The following PDXK variants were observed in gnomAD, a reference collection of about 807,000 sequenced individuals.
PDXK encodes the protein epididymis secretory sperm binding protein Li 1a.
PDXK carries 15 observed loss-of-function variants against 43.2 expected under a neutral mutation model. That is an observed-to-expected ratio of 0.35 (90% CI 0.23 to 0.53). PDXK has a LOEUF of 0.53. Among genes scored for constraint, PDXK ranks in the 20% least tolerant of loss-of-function variants. PDXK has a pLI of 0.92. For synonymous variants in PDXK, 172 were observed against 165.4 expected (o/e 1.04, Z -0.31); for missense variants, 343 against 417.0 (o/e 0.82, Z 1.54).
chr21:43,731,579 C>T (rs1337387885), intron 1 of PDXK, among the ~76,000 whole-genome samples: 4 of 152,246 alleles, frequency 2.6e-5, no homozygotes, highest in African/African-American at 9.6e-5. Context: ...AGCAGGGCTG[C>T]TCACAGGGCA....
intron 1 of PDXK, among the ~76,000 whole-genome samples, chr21:43,727,935 C>T (rs2083270615): frequency 6.6e-6 from 1 of 152,234 alleles, no homozygotes; most frequent in Admixed American, 6.5e-5. Context: ...GCCATCTGGG[C>T]ACTTCTGAGC....
intron 9 of PDXK, 29 bp downstream of exon 9, chr21:43,753,748 G>A (rs894625127): frequency 5.7e-6 from 9 of 1,589,432 alleles, no homozygotes; most frequent in East Asian, 2.3e-5. Context: ...TCCCCTCCTC[G>A]CCCACTCCCA....
chr21:43,736,963 C>T (rs746505449), intron 2 of PDXK: 32 of 702,352 alleles, frequency 4.6e-5, no homozygotes, highest in Non-Finnish European at 6.5e-5. Context: ...GAGACAAGGT[C>T]GGTCTCTGTC....
At chr21:43,719,442 C>T in intron 1 of PDXK, 61 bp downstream of exon 1, 1 of 1,446,244 alleles carries the variant, frequency 6.9e-7, no homozygotes. Flanking sequence ...GGCGGGGCTG[C>T]CCGAGACGAG....
At chr21:43,733,917 T>A (rs2083361978) in intron 1 of PDXK, 152 bp from the exon 2 acceptor site, 1 of 720,682 alleles carries the variant, frequency 1.4e-6, no homozygotes, top group Admixed American at 2.2e-5. Flanking sequence ...GAGAGCCTCC[T>A]GCTCTGATGC....
In PDXK at chr21:43,723,351, G is replaced by A. The variant is rs1217673356; in HGVS notation, c.87+3970G>A. 1 of 151,918 alleles carries A rather than the reference G, an allele frequency of 6.6e-6. No individual in the cohort carries two copies. The highest frequency in any genetic ancestry group is 1.5e-5 in the Non-Finnish European group (1 of 68,014). The allele number at this position is 151,918 out of a possible 1,614,324, so 9.4% of individuals were successfully genotyped here. A position where few individuals can be genotyped will look rare whatever the true frequency, so the allele number is the denominator to read the frequency against. Reference sequence around the variant, plus strand: ...TCTGTATTTCTGTTTAGTAGAGATGGGGTTTCACTATGTTGGCCAGGCTGG... The same window carrying A: ...TCTGTATTTCTGTTTAGTAGAGATGAGGTTTCACTATGTTGGCCAGGCTGG... On this transcript the variant is annotated intron_variant, in intron 1 of 10. Coordinates refer to ENST00000291565, the MANE Select transcript of PDXK (RefSeq NM_003681.5). The surrounding 1 kb of genome is among the most constrained non-coding windows in gnomAD (Gnocchi z 4.1).
intron 2 of PDXK, among the ~76,000 whole-genome samples, chr21:43,740,543 C>T (rs1011094021): frequency 2.6e-5 from 4 of 151,990 alleles, no homozygotes; most frequent in African/African-American, 4.8e-5. Context: ...ATGGTGGACC[C>T]CCACCCTGTG....
intron 1 of PDXK, chr21:43,728,623 G>A (rs1000903894): frequency 1.4e-6 from 1 of 706,300 alleles, no homozygotes; most frequent in Non-Finnish European, 1.7e-6. Context: ...CTCGCTGTGA[G>A]CAGAGTGGGA....
At chr21:43,742,045 G>A (rs115035978) in intron 3 of PDXK, among the ~76,000 whole-genome samples, 1 of 152,144 alleles carries the variant, frequency 6.6e-6, no homozygotes. Context: ...GAGGGTGCAG[G>A]CAGGGTGTTG....
rs762546258 is a variant in PDXK, at chr21:43,752,577, G to T, written c.570G>T (p.Leu190=). The T allele has an allele frequency of 2.5e-6, 4 of 1,613,136 alleles. 1 individual carries two copies. In the South Asian group the frequency reaches 4.4e-5, roughly 18 times the overall value. The change falls in exon 8 of 11, where the codon CTG becomes CTT. Residue 190 remains leucine (L), a synonymous_variant. Coordinates refer to ENST00000291565, the MANE Select transcript of PDXK (RefSeq NM_003681.5). ...CCGTGGTCATCACCAGCTCCGACCT[G>T]CCCTCCCCGCAGGGCAGCAACTACC... ...PDTVVITSSD[L]PSPQGSNYLI...
At chr21:43,755,649 C>T (rs1300446644) in intron 9 of PDXK, 49 bp from the exon 10 acceptor site, 2 of 1,438,104 alleles carry the variant, frequency 1.4e-6, no homozygotes, top group South Asian at 1.1e-5. Flanking sequence ...GTGGGCACGT[C>T]GGGTGTTGTG....
rs577165866 is a variant in PDXK at position 43,749,777 on chromosome 21, T to A, written c.464+697T>A. Reference sequence around the variant, plus strand: ...CGGGGCCACCACAGCAGAGGGAGGGTGGGGGCAGCACAGGCGGCCAGGTCA... The same window carrying A: ...CGGGGCCACCACAGCAGAGGGAGGGAGGGGGCAGCACAGGCGGCCAGGTCA... On this transcript the variant is annotated intron_variant, in intron 6 of 10. Transcript: ENST00000291565. Among the ~76,000 whole-genome samples the A allele has an allele frequency of 2.7e-3, 402 of 150,310 alleles. 2 individuals carry two copies. The highest frequency in any genetic ancestry group is 9.4e-3 in the African/African-American group (384 of 40,668).
rs2083888624 is a variant in PDXK, at chr21:43,758,573, C to A, written c.*2510C>A. On this transcript the variant is annotated 3_prime_UTR_variant, in exon 11 of 11. Coordinates refer to ENST00000291565, the MANE Select transcript of PDXK (RefSeq NM_003681.5). Reference sequence around the variant, plus strand: ...TCGTCTCTCCTGACTTCGGCAGAGGCCCCTGGTGGCCTTCAGTTTCAGTTT... The same window carrying A: ...TCGTCTCTCCTGACTTCGGCAGAGGACCCTGGTGGCCTTCAGTTTCAGTTT... 6.5e-6 allele frequency: 1 copy of A among 153,702 alleles called. No individual in the cohort carries two copies. Among genetic ancestry groups the A allele is most frequent in the African/African-American group, 2.4e-5 (1 of 41,450 alleles). 9.5% of individuals were successfully genotyped at this position (153,702 alleles called of 1,614,324 possible).
At chr21:43,728,287 CCAGGTTGAT>C (rs1303515177) in intron 1 of PDXK, among the ~76,000 whole-genome samples, 2 of 151,976 alleles carry the variant, frequency 1.3e-5, no homozygotes, top group African/African-American at 4.8e-5. Flanking sequence ...TGCTTGTGCC[CCAGGTTGAT>C]CAGGGTGAAG....
chr21:43,740,461 G>A (rs2083478279), intron 2 of PDXK, among the ~76,000 whole-genome samples: 1 of 152,000 alleles, frequency 6.6e-6, no homozygotes, highest in Non-Finnish European at 1.5e-5. Context: ...GCATTAGAGG[G>A]GTGATTCATG....
chr21:43,748,983 T>C lies in PDXK; in HGVS notation c.379-12T>C, dbSNP rs763308502. On this transcript the variant is annotated splice_polypyrimidine_tract_variant and intron_variant, in intron 5 of 10. Transcript: ENST00000291565. ...TGACTCAGCCTCTCCTCCTGTCTCC[T>C]TTGTTGGCCAGTACGTCCCGGAGGA... 1.3e-6 allele frequency: 2 copies of C among 1,574,858 alleles called. No homozygotes were observed. Among genetic ancestry groups the C allele is most frequent in the Non-Finnish European group, 1.7e-6 (2 of 1,146,196 alleles).
At position 43,719,205 on chromosome 21, in the gene PDXK, G is replaced by GGAGCCC. The variant is rs1013542838; in HGVS notation, c.-78_-73dup. On this transcript the variant is annotated 5_prime_UTR_variant, in exon 1 of 11. Transcript: ENST00000291565. ...GTCGCAGCCGAGGGGAGCCGGGGCC[G>GGAGCCC]GAGCCCGAGCCCGAGCCGAGCCGGA... The GGAGCCC allele has an allele frequency of 1.4e-4, 90 of 643,580 alleles. No homozygotes were observed. The highest frequency in any genetic ancestry group is 1.7e-4 in the Non-Finnish European group (77 of 459,580). The allele number at this position is 643,580 out of a possible 1,614,324, so 39.9% of individuals were successfully genotyped here. A position where few individuals can be genotyped will look rare whatever the true frequency, so the allele number is the denominator to read the frequency against.
At chr21:43,745,109 C>A (rs762230593) in intron 4 of PDXK, among the ~76,000 whole-genome samples, 1 of 152,122 alleles carries the variant, frequency 6.6e-6, no homozygotes, top group Non-Finnish European at 1.5e-5. Flanking sequence ...CTGGGAAAGG[C>A]CAGTTCATCG....
chr21:43,731,304 T>A (rs2083314599), intron 1 of PDXK, among the ~76,000 whole-genome samples: 1 of 152,224 alleles, frequency 6.6e-6, no homozygotes. Context: ...AAAACTCTGC[T>A]TTTGAAGGGC....
Sources: gnomAD v4.1 joint callset for allele counts (sites outside exome capture counted in the v4.1 genomes callset) on GRCh38, gnomAD v4.1.1 for gene constraint, Gnocchi (gnomAD v3.1) non-coding constraint, MANE v1.5 for transcripts, NCBI Gene and HGNC (gene_info 2026-07-23, HGNC 2026-07-21) for gene names.